The following CALN1 variants were observed in gnomAD, a reference collection of about 807,000 sequenced individuals.
CALN1 encodes the protein calneuron 1.
CALN1 carries 17 observed loss-of-function variants against 30.6 expected under a neutral mutation model. The ratio of observed to expected loss-of-function variants is 0.56; its 90% CI spans 0.38 to 0.83. The LOEUF is 0.83. Among genes scored for constraint, CALN1 ranks in the 40% least tolerant of loss-of-function variants. CALN1 has a pLI of 0.00. For synonymous variants in CALN1, 156 were observed against 131.4 expected, an observed-to-expected ratio of 1.19 and a Z score of -1.28; for missense variants, 291 against 354.9, an observed-to-expected ratio of 0.82 and a Z score of 1.45.
intron 3 of CALN1, among the ~76,000 whole-genome samples, chr7:72,167,666 T>C (rs532027539): frequency 5.9e-5 from 9 of 152,360 alleles, no homozygotes; most frequent in African/African-American, 2.2e-4. Flanking sequence ...TTCACACTGC[T>C]AGTCACATGC....
chr7:72,271,575 A>AAAT lies in CALN1; in HGVS notation c.244+7110_244+7111insATT. 1.3e-4 allele frequency among the ~76,000 whole-genome samples: 7 copies of AAAT among 52,124 alleles called. 1 individual carries two copies. The highest frequency in any genetic ancestry group is 8.1e-4 in the African/African-American group (6 of 7,446). 34.2% of individuals were successfully genotyped at this position (52,124 alleles called of 152,430 possible). ...CTGTGCCTGCCTTTTAAAAAAAAAAAATATATATATATATATATAGTTTTC... is the reference window on the plus strand; with the variant it reads ...CTGTGCCTGCCTTTTAAAAAAAAAAAAATATATATATATATATATATAGTTTTC... On this transcript the variant is annotated intron_variant, in intron 3 of 6. Transcript: ENST00000395275.
At chr7:72,338,515 G>C (rs1424988278) in intron 2 of CALN1, among the ~76,000 whole-genome samples, 1 of 148,682 alleles carries the variant, frequency 6.7e-6, no homozygotes, top group African/African-American at 2.5e-5. Flanking sequence ...GTGTGTGTGT[G>C]TGTGTGTGTG....
chr7:72,116,536 C>T (rs1002446595), intron 3 of CALN1, among the ~76,000 whole-genome samples: 4 of 152,108 alleles, frequency 2.6e-5, no homozygotes, highest in African/African-American at 7.2e-5. Flanking sequence ...CAACAGGGTA[C>T]GGAAGCAGGA....
chr7:72,373,031 CAGAA>C (rs1231027796), intron 2 of CALN1, among the ~76,000 whole-genome samples: 2 of 152,078 alleles, frequency 1.3e-5, no homozygotes, highest in Non-Finnish European at 2.9e-5. Flanking sequence ...AACAGGAAAA[CAGAA>C]AGTCTCAGCA....
intron 2 of CALN1, among the ~76,000 whole-genome samples, chr7:72,342,193 A>G (rs1427578702): frequency 6.6e-6 from 1 of 151,310 alleles, no homozygotes; most frequent in Non-Finnish European, 1.5e-5. Flanking sequence ...CAGGAGTTCG[A>G]GATTACAGTG....
intron 3 of CALN1, among the ~76,000 whole-genome samples, chr7:72,219,170 G>A (rs1369615780): frequency 1.3e-5 from 2 of 152,150 alleles, no homozygotes; most frequent in Non-Finnish European, 1.5e-5. Flanking sequence ...GCATAGAAGA[G>A]GAAAAATTCT....
intron 2 of CALN1, among the ~76,000 whole-genome samples, chr7:72,396,849 G>C (rs1205621987): frequency 1.3e-5 from 2 of 152,164 alleles, no homozygotes; most frequent in Admixed American, 1.3e-4. Context: ...AAGGTTAGAA[G>C]TATATAGGAT....
intron 2 of CALN1, among the ~76,000 whole-genome samples, chr7:72,397,489 T>C (rs560992510): frequency 5.3e-5 from 8 of 152,172 alleles, no homozygotes; most frequent in South Asian, 2.1e-4. Context: ...TTGCAGCAGA[T>C]ATAAGAATGA....
the CALN1 span, among the ~76,000 whole-genome samples, chr7:72,493,956 G>T: frequency 6.6e-6 from 1 of 152,198 alleles, no homozygotes; most frequent in African/African-American, 2.4e-5. Context: ...TTGGAAGACT[G>T]ACACAGGAGA....
intron 5 of CALN1, among the ~76,000 whole-genome samples, chr7:71,984,539 C>CCAT (rs1018056526): frequency 2.4e-4 from 37 of 152,318 alleles, no homozygotes; most frequent in African/African-American, 8.9e-4. Context: ...TTGGACCATG[C>CCAT]TGACTGGTTC....
chr7:72,340,021 C>G (rs531429916), intron 2 of CALN1, among the ~76,000 whole-genome samples: 53 of 152,216 alleles, frequency 3.5e-4, no homozygotes, highest in African/African-American at 1.2e-3. Context: ...TTTTCAGAAA[C>G]CTGGACCCCC....
At chr7:71,867,866 C>T (rs1343942180) in intron 5 of CALN1, among the ~76,000 whole-genome samples, 1 of 152,206 alleles carries the variant, frequency 6.6e-6, no homozygotes, top group Non-Finnish European at 1.5e-5. Flanking sequence ...GGCAGGCTTG[C>T]TGGTTACAGG....
chr7:72,267,043 TTTAGGC>T (rs1796642526), intron 3 of CALN1, among the ~76,000 whole-genome samples: 1 of 152,178 alleles, frequency 6.6e-6, no homozygotes, highest in African/African-American at 2.4e-5. Flanking sequence ...TTGCGTAGGT[TTTAGGC>T]TTCCTCTGGA....
chr7:72,394,729 G>A (rs1004207206), intron 2 of CALN1, among the ~76,000 whole-genome samples: 12 of 148,074 alleles, frequency 8.1e-5, no homozygotes, highest in African/African-American at 2.8e-4. Flanking sequence ...TGGCGCAATC[G>A]TAGCTCACTG....
At chr7:72,012,688 G>T (rs1250081885) in intron 5 of CALN1, among the ~76,000 whole-genome samples, 1 of 152,216 alleles carries the variant, frequency 6.6e-6, no homozygotes, top group African/African-American at 2.4e-5. Context: ...CTCTGCAGCA[G>T]AGGGTCATAC....
chr7:72,040,039 T>G (rs1802029895), intron 4 of CALN1, among the ~76,000 whole-genome samples: 1 of 152,144 alleles, frequency 6.6e-6, no homozygotes, highest in Non-Finnish European at 1.5e-5. Flanking sequence ...CAAGTCAATC[T>G]CTACAAATGG....
chr7:72,334,014 G>C (rs767129822), intron 2 of CALN1, among the ~76,000 whole-genome samples: 8 of 152,210 alleles, frequency 5.3e-5, no homozygotes, highest in Non-Finnish European at 1.0e-4. Flanking sequence ...AACCCAGCCT[G>C]TTAGCCTCAA....
chr7:71,951,043 T>C (rs1796663841), intron 5 of CALN1, among the ~76,000 whole-genome samples: 1 of 152,212 alleles, frequency 6.6e-6, no homozygotes, highest in Non-Finnish European at 1.5e-5. Context: ...GACATTTCCT[T>C]GTTTGTTCAT....
chr7:71,828,670 G>A (rs974473615), intron 5 of CALN1, among the ~76,000 whole-genome samples: 1 of 147,906 alleles, frequency 6.8e-6, no homozygotes, highest in African/African-American at 2.5e-5. Context: ...ATATATATAT[G>A]TAAGATATAT....
Sources: gnomAD v4.1 joint callset for allele counts (sites outside exome capture counted in the v4.1 genomes callset) on GRCh38, gnomAD v4.1.1 for gene constraint, MANE v1.5 for transcripts, NCBI Gene and HGNC (gene_info 2026-07-23, HGNC 2026-07-21) for gene names.